MAST4: variants seen among roughly 807,000 people sequenced by gnomAD.
MAST4 encodes the protein microtubule associated serine/threonine kinase family member 4, also known as microtubule-associated serine/threonine-protein kinase 4.
MAST4 carries 89 observed loss-of-function variants against 162.7 expected under a neutral mutation model. That is an observed-to-expected ratio of 0.55 (90% CI 0.46 to 0.65). The LOEUF is 0.65. Ranked by LOEUF, MAST4 falls within the 30% of genes least tolerant of loss-of-function variation. The pLI is 0.00. For missense variants in MAST4, 3,153 were observed against 3,374.0 expected (o/e 0.93, Z 1.62); for synonymous variants, 1,479 against 1,361.1 (o/e 1.09, Z -1.91).
intron 15 of MAST4, 126 bp downstream of exon 15, chr5:67,130,544 A>G: frequency 1.2e-6 from 1 of 850,784 alleles, no homozygotes; most frequent in South Asian, 1.7e-5. Flanking sequence ...AGGCAATGAA[A>G]TGGCTGTATT....
intron 1 of MAST4, among the ~76,000 whole-genome samples, chr5:66,690,117 A>C (rs1443687687): frequency 6.6e-6 from 1 of 152,148 alleles, no homozygotes; most frequent in Admixed American, 6.5e-5. Flanking sequence ...CTGTTCCCTC[A>C]CTTACTGGGC....
intron 3 of MAST4, among the ~76,000 whole-genome samples, chr5:66,848,568 A>G (rs377245200): frequency 6.6e-6 from 1 of 152,176 alleles, no homozygotes; most frequent in East Asian, 1.9e-4. Flanking sequence ...CTGATGTGGC[A>G]AGTCTGCAAA....
chr5:66,661,279 T>C (rs1219250018), intron 1 of MAST4, among the ~76,000 whole-genome samples: 1 of 152,158 alleles, frequency 6.6e-6, no homozygotes, highest in Non-Finnish European at 1.5e-5. Context: ...ATCCTTGGCA[T>C]GTGTGTGTTC....
chr5:66,966,348 A>G (rs1221096164), intron 4 of MAST4, among the ~76,000 whole-genome samples: 5 of 152,234 alleles, frequency 3.3e-5, no homozygotes, highest in Non-Finnish European at 7.3e-5. Context: ...AATGCTTATT[A>G]AAGAATGAAT....
At chr5:66,898,631 A>C (rs1298623505) in intron 3 of MAST4, among the ~76,000 whole-genome samples, 1 of 152,212 alleles carries the variant, frequency 6.6e-6, no homozygotes, top group Non-Finnish European at 1.5e-5. Flanking sequence ...AACAAAAAGC[A>C]CTTTACCACT....
At chr5:66,726,119 A>G (rs1209158102) in intron 1 of MAST4, among the ~76,000 whole-genome samples, 1 of 152,020 alleles carries the variant, frequency 6.6e-6, no homozygotes, top group Non-Finnish European at 1.5e-5. Flanking sequence ...GAGCTAGGAA[A>G]GGGGTGGGGA....
At chr5:66,739,807 T>G (rs559153200) in intron 1 of MAST4, among the ~76,000 whole-genome samples, 114 of 152,140 alleles carry the variant, frequency 7.5e-4, no homozygotes, top group African/African-American at 2.6e-3. Context: ...GTACATGTTT[T>G]TTTTTCTGCC....
chr5:67,142,402 C>T lies in MAST4; in HGVS notation c.2618-19C>T. ...GAAAATCTGAGTAATTGGACCTGTTCCCAAACATTTCACTGCAGCTCGGTC... is the reference window on the plus strand; with the variant it reads ...GAAAATCTGAGTAATTGGACCTGTTTCCAAACATTTCACTGCAGCTCGGTC... On this transcript the variant is annotated intron_variant, in intron 20 of 28. Coordinates refer to ENST00000403625, the MANE Select transcript of MAST4 (RefSeq NM_001164664.2). 1 of 1,565,954 alleles carries T rather than the reference C, an allele frequency of 6.4e-7. No homozygotes were observed. The highest frequency in any genetic ancestry group is 1.4e-5 in the African/African-American group (1 of 73,830).
In MAST4 at chr5:67,017,957, A is replaced by G. The variant is rs188478390; in HGVS notation, c.675-36447A>G. Among the ~76,000 whole-genome samples, 37 of 152,328 alleles carry G rather than the reference A, an allele frequency of 2.4e-4. No individual in the cohort carries two copies. In the East Asian group the frequency reaches 6.6e-3, roughly 27 times the overall value. ...TTGAGCAGTTTGATAATGCTAATAT[A>G]TGATTAGAATAAGACATTTTGTTTT... On this transcript the variant is annotated intron_variant, in intron 4 of 28. Transcript: ENST00000403625.
intron 3 of MAST4, among the ~76,000 whole-genome samples, chr5:66,891,299 A>G (rs1373981843): frequency 6.6e-6 from 1 of 151,918 alleles, no homozygotes; most frequent in African/African-American, 2.4e-5. Flanking sequence ...ACTCCTGTGG[A>G]TCCTGTACAC....
At chr5:66,768,311 G>C (rs1194119563) in intron 2 of MAST4, among the ~76,000 whole-genome samples, 1 of 152,204 alleles carries the variant, frequency 6.6e-6, no homozygotes, top group Non-Finnish European at 1.5e-5. Flanking sequence ...GAGGAACAGG[G>C]CTGGGTATCC....
intron 1 of MAST4, among the ~76,000 whole-genome samples, chr5:66,755,404 A>G (rs1753476009): frequency 6.6e-6 from 1 of 152,214 alleles, no homozygotes; most frequent in Non-Finnish European, 1.5e-5. Context: ...TTGGGAATAG[A>G]AGTGTCTGAA....
chr5:67,007,639 C>T (rs527916070), intron 4 of MAST4, among the ~76,000 whole-genome samples: 110 of 152,290 alleles, frequency 7.2e-4, no homozygotes, highest in Non-Finnish European at 1.3e-3. Context: ...TCTTAGAACT[C>T]ATAAGGATAG....
At chr5:66,931,408 AG>A (rs1156338268) in intron 4 of MAST4, among the ~76,000 whole-genome samples, 1 of 151,812 alleles carries the variant, frequency 6.6e-6, no homozygotes, top group African/African-American at 2.4e-5. Flanking sequence ...CTTTGTTGTG[AG>A]GGTGGAATTT....
intron 5 of MAST4, among the ~76,000 whole-genome samples, chr5:67,075,951 C>T (rs1415535374): frequency 6.6e-6 from 1 of 151,900 alleles, no homozygotes; most frequent in Non-Finnish European, 1.5e-5. Context: ...TGTAGTAGTC[C>T]TGGGAAACTA....
chr5:67,165,358 C>G lies in MAST4; in HGVS notation c.6179C>G (p.Ser2060Cys). ...AGGCCCCCGCCCAGAGACAACTCCTCTCTGCACTCAGCTGGAATTCCCTGT... is the reference window on the plus strand; with the variant it reads ...AGGCCCCCGCCCAGAGACAACTCCTGTCTGCACTCAGCTGGAATTCCCTGT... ...EARPPPRDNS[S>C]LHSAGIPCEK... is the part of the protein sequence containing the mutation. Residue 2060 changes from serine to cysteine, a missense_variant, in exon 29 of 29, where the codon TCT (serine) becomes TGT (cysteine). This residue lies in a region of MAST4 where 1,644 missense variants were observed against 1,495.0 expected (regional missense o/e 1.10). Transcript: ENST00000403625. 1 of 1,613,774 alleles carries G rather than the reference C, an allele frequency of 6.2e-7. No individual in the cohort carries two copies. Among genetic ancestry groups the G allele is most frequent in the East Asian group, 2.2e-5 (1 of 44,874 alleles).
At chr5:66,928,388 A>G (rs997822767) in intron 4 of MAST4, among the ~76,000 whole-genome samples, 2 of 152,336 alleles carry the variant, frequency 1.3e-5, no homozygotes, top group East Asian at 3.9e-4. Context: ...CTTGTTGGGG[A>G]GAGGACAATT....
intron 1 of MAST4, among the ~76,000 whole-genome samples, chr5:66,671,971 A>G (rs111991442): frequency 0.019 from 2,831 of 152,310 alleles, 98 homozygotes; most frequent in African/African-American, 0.065. Context: ...TTGGCAAACT[A>G]TAAGTTCTCC....
At chr5:67,102,460 G>T in intron 8 of MAST4, 76 bp from the exon 9 acceptor site, 1 of 1,316,340 alleles carries the variant, frequency 7.6e-7, no homozygotes, top group South Asian at 1.2e-5. Flanking sequence ...TGATGCAACT[G>T]ACTGTTTATA....
Sources: gnomAD v4.1 joint callset for allele counts (sites outside exome capture counted in the v4.1 genomes callset) on GRCh38, gnomAD v4.1.1 for gene constraint, gnomAD v4.1.1 regional missense constraint, MANE v1.5 for transcripts, NCBI Gene and HGNC (gene_info 2026-07-23, HGNC 2026-07-21) for gene names.